Variants in PRR5L observed in about 807,000 individuals in gnomAD.
PRR5L encodes proline rich 5 like.
Under a neutral mutation model 36.4 loss-of-function variants are expected in PRR5L, and 21 were observed. The observed-to-expected ratio is 0.58, with a 90% CI of 0.41 to 0.83. PRR5L has a LOEUF of 0.83. Among genes scored for constraint, PRR5L ranks in the 40% least tolerant of loss-of-function variants. PRR5L has a pLI of 0.00. For missense variants in PRR5L, 381 were observed against 473.3 expected, an observed-to-expected ratio of 0.80 and a Z score of 1.81; for synonymous variants, 188 against 197.0, an observed-to-expected ratio of 0.95 and a Z score of 0.38.
At chr11:36,386,115 G>A (rs1565433752) in intron 1 of PRR5L, among the ~76,000 whole-genome samples, 1 of 152,056 alleles carries the variant, frequency 6.6e-6, no homozygotes, top group Non-Finnish European at 1.5e-5. Context: ...GGGCAACACA[G>A]CAAGACCTGT....
rs58639707 is a variant in PRR5L at position 36,420,834 on chromosome 11, A to AACACACACACACACACACAC, written c.294+1556_294+1575dup. Among the ~76,000 whole-genome samples the AACACACACACACACACACAC allele has an allele frequency of 3.7e-4, 51 of 139,406 alleles. No individual in the cohort carries two copies. The East Asian group carries it at 5.4e-3, about 15-fold the overall frequency. The allele number at this position is 139,406 out of a possible 152,430, so 91.5% of individuals were successfully genotyped here. On this transcript the variant is annotated intron_variant, in intron 4 of 8. Coordinates refer to ENST00000530639, the MANE Select transcript of PRR5L (RefSeq NM_001160167.2). ...AAAAGAATGACATGTCAGTTGTTTA[A>AACACACACACACACACACAC]ACACACACACACACACACACACACA...
At position 36,464,257 on chromosome 11, in the gene PRR5L, G is replaced by A. The variant is rs1488132915; in HGVS notation, c.*1521G>A. The A allele has an allele frequency of 1.3e-5, 2 of 152,088 alleles. No homozygotes were observed. Among genetic ancestry groups the A allele is most frequent in the Non-Finnish European group, 2.9e-5 (2 of 68,018 alleles). The allele number at this position is 152,088 out of a possible 1,614,324, so 9.4% of individuals were successfully genotyped here. A position where few individuals can be genotyped will look rare whatever the true frequency, so the allele number is the denominator to read the frequency against. Reference sequence around the variant, plus strand: ...TATTTATGAAATCTCAAAGAGATGAGCCACCTTGGCTTCCAATATGGCAAG... The same window carrying A: ...TATTTATGAAATCTCAAAGAGATGAACCACCTTGGCTTCCAATATGGCAAG... On this transcript the variant is annotated 3_prime_UTR_variant, in exon 9 of 9. Coordinates refer to ENST00000530639, the MANE Select transcript of PRR5L (RefSeq NM_001160167.2).
chr11:36,297,875 G>A (rs1229792677), intron 1 of PRR5L, among the ~76,000 whole-genome samples: 1 of 152,174 alleles, frequency 6.6e-6, no homozygotes, highest in African/African-American at 2.4e-5. Context: ...GCTTACTGAT[G>A]ATTCTGACTC....
At chr11:36,351,296 TTA>T (rs373055432) in intron 1 of PRR5L, among the ~76,000 whole-genome samples, 59,093 of 79,484 alleles carry the variant, frequency 0.74, 22,099 homozygotes, top group Non-Finnish European at 0.76. Flanking sequence ...ATTTATATAT[TTA>T]TATATATATT....
intron 6 of PRR5L, among the ~76,000 whole-genome samples, chr11:36,440,380 C>T (rs111966496): frequency 0.013 from 1,980 of 152,244 alleles, 22 homozygotes; most frequent in Non-Finnish European, 0.02. Flanking sequence ...ATTCAGTATG[C>T]CCTGCTGGTC....
chr11:36,420,877 A>G (rs986502552), intron 4 of PRR5L, among the ~76,000 whole-genome samples: 11 of 150,954 alleles, frequency 7.3e-5, no homozygotes, highest in Admixed American at 5.3e-4. Context: ...ACACACACAC[A>G]CGGACAGCTC....
Position 36,457,600 on chromosome 11 carries a change from C to T in PRR5L, c.713-4742C>T, listed in dbSNP as rs577531386. ...CAGCCTGGGCAACAGAGTGAGACTC[C>T]GTCTCAAAAAAAAAAAAAACAAAAC... is the stretch of plus-strand genomic sequence containing the variant. On this transcript the variant is annotated intron_variant, in intron 8 of 8. Coordinates refer to ENST00000530639, the MANE Select transcript of PRR5L (RefSeq NM_001160167.2). Among the ~76,000 whole-genome samples, 12 of 95,094 alleles carry T rather than the reference C, an allele frequency of 1.3e-4. 1 individual carries two copies. Among genetic ancestry groups the T allele is most frequent in the Admixed American group, 8.6e-4 (7 of 8,104 alleles). The allele number at this position is 95,094 out of a possible 152,430, so 62.4% of individuals were successfully genotyped here. A position where few individuals can be genotyped will look rare whatever the true frequency, so the allele number is the denominator to read the frequency against.
intron 3 of PRR5L, among the ~76,000 whole-genome samples, chr11:36,411,270 T>C (rs1858020462): frequency 6.6e-6 from 1 of 152,206 alleles, no homozygotes; most frequent in South Asian, 2.1e-4. Context: ...ACCAGCTTGA[T>C]TCCAGCTTTT....
At chr11:36,299,585 A>T (rs916990792) in intron 1 of PRR5L, among the ~76,000 whole-genome samples, 24 of 152,212 alleles carry the variant, frequency 1.6e-4, no homozygotes, top group African/African-American at 5.5e-4. Flanking sequence ...CTGAGACCAT[A>T]GTCATTTTTA....
At chr11:36,350,641 G>A (rs961496502) in intron 1 of PRR5L, among the ~76,000 whole-genome samples, 9 of 151,452 alleles carry the variant, frequency 5.9e-5, no homozygotes, top group Non-Finnish European at 1.3e-4. Flanking sequence ...CCCGTCACGC[G>A]AGCAGTGTAC....
At chr11:36,402,332 C>T (rs577659203) in intron 2 of PRR5L, among the ~76,000 whole-genome samples, 2 of 152,190 alleles carry the variant, frequency 1.3e-5, no homozygotes, top group South Asian at 4.1e-4. Flanking sequence ...CAATCTCTGC[C>T]TCCCAGGTTC....
intron 1 of PRR5L, among the ~76,000 whole-genome samples, chr11:36,354,734 A>G (rs1857008618): frequency 6.6e-6 from 1 of 152,240 alleles, no homozygotes; most frequent in South Asian, 2.1e-4. Context: ...GCACATGGTG[A>G]GCACTTAAGC....
intron 7 of PRR5L, among the ~76,000 whole-genome samples, chr11:36,449,670 C>T (rs1858904163): frequency 6.6e-6 from 1 of 152,194 alleles, no homozygotes; most frequent in South Asian, 2.1e-4. Context: ...TATTTTCTCC[C>T]ATCAGCATTT....
At chr11:36,345,784 C>G (rs1159365508) in intron 1 of PRR5L, among the ~76,000 whole-genome samples, 1 of 152,220 alleles carries the variant, frequency 6.6e-6, no homozygotes, top group Non-Finnish European at 1.5e-5. Flanking sequence ...GGTCAGGTAA[C>G]AGCAGATGCT....
At chr11:36,373,222 A>C (rs1405127965) in intron 1 of PRR5L, among the ~76,000 whole-genome samples, 2 of 152,148 alleles carry the variant, frequency 1.3e-5, no homozygotes, top group Non-Finnish European at 2.9e-5. Context: ...GTATATATCT[A>C]ATAAAGACCT....
chr11:36,446,362 G>A lies in PRR5L; in HGVS notation c.507G>A (p.Lys169=), dbSNP rs779701057. 137 of 1,614,034 alleles carry A rather than the reference G, an allele frequency of 8.5e-5. No homozygotes were observed. Among genetic ancestry groups the A allele is most frequent in the Non-Finnish European group, 1.1e-4 (131 of 1,180,038 alleles). ...GCTTCCGAGACCTAGTCTTGCTGAA[G>A]GTGAAGCTGGGTGACCTGCTGCTGC... is the stretch of plus-strand genomic sequence containing the variant. ...LLGFRDLVLL[K]VKLGDLLLLA... is the part of the protein sequence containing the mutation. Residue 169 remains lysine, a synonymous_variant, in exon 7 of 9, where the codon AAG becomes AAA. Coordinates refer to ENST00000530639, the MANE Select transcript of PRR5L (RefSeq NM_001160167.2).
At chr11:36,317,567 A>G (rs1172682405) in intron 1 of PRR5L, among the ~76,000 whole-genome samples, 2 of 152,186 alleles carry the variant, frequency 1.3e-5, no homozygotes, top group Non-Finnish European at 2.9e-5. Context: ...GTTCGGAGTT[A>G]TTTGACTAGT....
chr11:36,339,496 T>G (rs1246962439), intron 1 of PRR5L, among the ~76,000 whole-genome samples: 1 of 152,256 alleles, frequency 6.6e-6, no homozygotes, highest in Non-Finnish European at 1.5e-5. Context: ...TTATAACATA[T>G]TCACAATAAT....
chr11:36,420,923 C>T (rs2133584461), intron 4 of PRR5L, among the ~76,000 whole-genome samples: 1 of 151,668 alleles, frequency 6.6e-6, no homozygotes, highest in African/African-American at 2.4e-5. Flanking sequence ...CAACAGAAGC[C>T]TGGAATTCAA....
Sources: allele counts gnomAD v4.1 joint callset (sites outside exome capture counted in the v4.1 genomes callset), GRCh38; gene constraint gnomAD v4.1.1; transcripts MANE v1.5; gene names NCBI Gene and HGNC (gene_info 2026-07-23, HGNC 2026-07-21).